OPCML: variants seen among roughly 807,000 people sequenced by gnomAD.
OPCML encodes the protein opioid-binding protein/cell adhesion molecule.
A neutral mutation model predicts 37.8 loss-of-function variants in OPCML; 13 were observed. The observed-to-expected ratio is 0.34, with a 90% CI of 0.22 to 0.55. OPCML has a LOEUF of 0.55. Among genes scored for constraint, OPCML ranks in the 20% least tolerant of loss-of-function variants. OPCML has a pLI of 0.91. For synonymous variants in OPCML, 176 were observed against 168.8 expected, an observed-to-expected ratio of 1.04 and a Z score of -0.33; for missense variants, 341 against 435.6, an observed-to-expected ratio of 0.78 and a Z score of 1.93.
intron 4 of OPCML, among the ~76,000 whole-genome samples, chr11:132,487,853 T>G (rs1010661599): frequency 1.3e-5 from 2 of 152,252 alleles, no homozygotes; most frequent in African/African-American, 4.8e-5. Flanking sequence ...GCATTACTGC[T>G]TTCTAATATG....
At chr11:133,408,319 A>G (rs779475524) in intron 1 of OPCML, among the ~76,000 whole-genome samples, 4 of 152,232 alleles carry the variant, frequency 2.6e-5, no homozygotes, top group African/African-American at 7.2e-5. Flanking sequence ...ATGGTGGTGA[A>G]TTAAATCAAG....
At chr11:133,482,802 A>G (rs913280786) in intron 1 of OPCML, among the ~76,000 whole-genome samples, 3 of 152,176 alleles carry the variant, frequency 2.0e-5, no homozygotes, top group African/African-American at 7.2e-5. Context: ...TAAAATGATG[A>G]GGGTAAAACT....
At chr11:132,942,384 A>T (rs1159329623) in intron 2 of OPCML, among the ~76,000 whole-genome samples, 2 of 152,190 alleles carry the variant, frequency 1.3e-5, no homozygotes, top group Admixed American at 1.3e-4. Context: ...CATAATTTAC[A>T]ATAGGGACCC....
intron 4 of OPCML, among the ~76,000 whole-genome samples, chr11:132,472,601 A>G (rs572839813): frequency 6.6e-6 from 1 of 152,366 alleles, no homozygotes; most frequent in East Asian, 1.9e-4. Context: ...CCAAGAATAT[A>G]CAAGTTCTCC....
At position 132,638,570 on chromosome 11, in the gene OPCML, T is replaced by C. The variant is rs1419687188; in HGVS notation, c.379+18517A>G. ...CTGTTGTTTTGGAGGTCACAAGATA[T>C]GTAACTTCCCCAATTACTCTTACAC... is the stretch of plus-strand genomic sequence containing the variant. On this transcript the variant is annotated intron_variant, in intron 3 of 7. Coordinates refer to ENST00000524381, the MANE Select transcript of OPCML (RefSeq NM_001012393.5). 2.6e-5 allele frequency among the ~76,000 whole-genome samples: 4 copies of C among 152,262 alleles called. No individual in the cohort carries two copies. In the East Asian group the frequency reaches 5.8e-4, roughly 22 times the overall value.
chr11:133,153,452 G>A (rs764162423), intron 1 of OPCML, among the ~76,000 whole-genome samples: 7 of 152,164 alleles, frequency 4.6e-5, no homozygotes, highest in Admixed American at 1.3e-4. Flanking sequence ...AGTGGTCCAC[G>A]GGAGGACGGC....
At chr11:132,853,296 G>GT (rs1361113833) in intron 2 of OPCML, among the ~76,000 whole-genome samples, 1 of 152,098 alleles carries the variant, frequency 6.6e-6, no homozygotes, top group Admixed American at 6.5e-5. Flanking sequence ...GATTGGTGGT[G>GT]TTATTAATAA....
At chr11:133,071,333 GGT>G (rs1425339663) in intron 1 of OPCML, among the ~76,000 whole-genome samples, 16 of 152,260 alleles carry the variant, frequency 1.1e-4, no homozygotes, top group African/African-American at 3.4e-4. Context: ...GCAACATTTG[GGT>G]GTGTGGTGGG....
chr11:132,764,618 C>A (rs891435621), intron 2 of OPCML, among the ~76,000 whole-genome samples: 1 of 152,268 alleles, frequency 6.6e-6, no homozygotes, highest in South Asian at 2.1e-4. Context: ...TAAAACCCAG[C>A]ACATAGTAAG....
At chr11:132,571,664 C>G (rs543699618) in intron 3 of OPCML, among the ~76,000 whole-genome samples, 1 of 152,162 alleles carries the variant, frequency 6.6e-6, no homozygotes, top group Non-Finnish European at 1.5e-5. Context: ...TCTTTAGCCA[C>G]TCATCCATCA....
At chr11:133,397,087 C>T (rs1260854091) in intron 1 of OPCML, among the ~76,000 whole-genome samples, 1 of 152,154 alleles carries the variant, frequency 6.6e-6, no homozygotes, top group Non-Finnish European at 1.5e-5. Context: ...ATTTTCCTGG[C>T]AACTGAAGAG....
At chr11:133,419,441 T>C (rs1473952492) in intron 1 of OPCML, 11 of 551,116 alleles carry the variant, frequency 2.0e-5, no homozygotes, top group Non-Finnish European at 2.3e-5. Context: ...CAACCACTAA[T>C]AAAAGTTGAG....
intron 4 of OPCML, among the ~76,000 whole-genome samples, chr11:132,508,015 G>C (rs1322279189): frequency 1.3e-5 from 2 of 151,926 alleles, no homozygotes; most frequent in African/African-American, 2.4e-5. Context: ...TGGGAAAAGG[G>C]GTATTCTTCT....
intron 1 of OPCML, among the ~76,000 whole-genome samples, chr11:133,232,353 C>G (rs565584340): frequency 9.2e-5 from 14 of 152,264 alleles, no homozygotes; most frequent in South Asian, 6.2e-4. Context: ...CTGAGTTTCT[C>G]AAAGAGGTAA....
intron 1 of OPCML, among the ~76,000 whole-genome samples, chr11:132,947,287 C>A (rs1945765029): frequency 6.6e-6 from 1 of 152,296 alleles, no homozygotes; most frequent in Middle Eastern, 3.4e-3. Context: ...TGGGCAGAAG[C>A]GAGGTGTAAA....
At chr11:133,081,967 G>A (rs1451282380) in intron 1 of OPCML, among the ~76,000 whole-genome samples, 1 of 152,092 alleles carries the variant, frequency 6.6e-6, no homozygotes, top group African/African-American at 2.4e-5. Flanking sequence ...CCTGGGAGGC[G>A]TCCCTCAGCA....
In OPCML at chr11:133,234,263, C is replaced by CA. The variant is rs1221541573; in HGVS notation, c.62-291254dup. 8.7e-3 allele frequency among the ~76,000 whole-genome samples: 1,284 copies of CA among 148,248 alleles called. 17 individuals are homozygous for CA. Among genetic ancestry groups the CA allele is most frequent in the African/African-American group, 0.025 (989 of 39,974 alleles). On this transcript the variant is annotated intron_variant, in intron 1 of 7. Coordinates refer to ENST00000524381, the MANE Select transcript of OPCML (RefSeq NM_001012393.5). Reference sequence around the variant, plus strand: ...AAGCAAAACCAAACAACAACAACAACAAAAAAAAAACACAGTTTTTACTTC... The same window carrying CA: ...AAGCAAAACCAAACAACAACAACAACAAAAAAAAAAACACAGTTTTTACTTC...
chr11:132,542,288 T>C (rs2137376408), intron 3 of OPCML, among the ~76,000 whole-genome samples: 1 of 152,284 alleles, frequency 6.6e-6, no homozygotes, highest in East Asian at 1.9e-4. Context: ...ATGCCCCTCC[T>C]TGTCTCCATC....
intron 4 of OPCML, among the ~76,000 whole-genome samples, chr11:132,478,730 G>C (rs1433896229): frequency 6.6e-6 from 1 of 152,132 alleles, no homozygotes; most frequent in East Asian, 1.9e-4. Flanking sequence ...TCTTAAGTTT[G>C]TTTGTGGTCA....
Sources: gnomAD v4.1 joint callset for allele counts (sites outside exome capture counted in the v4.1 genomes callset) on GRCh38, gnomAD v4.1.1 for gene constraint, MANE v1.5 for transcripts, NCBI Gene and HGNC (gene_info 2026-07-23, HGNC 2026-07-21) for gene names.